The following MCCC1 variants were observed in gnomAD, a reference collection of about 807,000 sequenced individuals.
MCCC1 encodes the protein methylcrotonyl-CoA carboxylase subunit 1.
MCCC1 carries 64 observed loss-of-function variants against 83.8 expected under a neutral mutation model. That is an observed-to-expected ratio of 0.76 (90% CI 0.62 to 0.94). The LOEUF (loss-of-function observed/expected upper bound fraction) is 0.94, where lower values mean the gene tolerates loss of function less well. Ranked by LOEUF, MCCC1 falls within the 40% of genes least tolerant of loss-of-function variation. MCCC1 has a pLI of 0.00. For missense variants in MCCC1, 807 were observed against 904.7 expected (o/e 0.89, Z 1.39); for synonymous variants, 322 against 315.4 (o/e 1.02, Z -0.22).
At chr3:183,071,868 A>ATTT (rs1716721205) in intron 5 of MCCC1, among the ~76,000 whole-genome samples, 3 of 50,980 alleles carry the variant, frequency 5.9e-5, no homozygotes, top group Non-Finnish European at 8.1e-5. Flanking sequence ...TACCCAGCTG[A>ATTT]ATTTTTTTTT....
chr3:183,080,766 G>T (rs1030392639), intron 4 of MCCC1, among the ~76,000 whole-genome samples: 1 of 152,154 alleles, frequency 6.6e-6, no homozygotes, highest in Non-Finnish European at 1.5e-5. Context: ...AAGAGGTTTA[G>T]TGGCTGGATA....
At position 183,052,236 on chromosome 3, in the gene MCCC1, C is replaced by T. The variant is rs745449406; in HGVS notation, c.878G>A (p.Gly293Asp). 4.3e-6 allele frequency: 7 copies of T among 1,613,376 alleles called. 1 individual carries two copies. The South Asian group carries it at 4.4e-5, about 10-fold the overall frequency. ...CTTTTTTCTTACTTCAGATTTAATA[C>T]CAGGCTATGAAAAAAATATGTAAAT... ...QKIIEEAPAPGIKSEVRKKLG... is the reference protein window; with the variant it reads ...QKIIEEAPAPDIKSEVRKKLG... Residue 293 changes from glycine (G) to aspartate (D), a missense_variant, in exon 9 of 19, where the codon GGT becomes GAT. By Grantham distance (94) the Gly-to-Asp change is moderately conservative. Coordinates refer to ENST00000265594, the MANE Select transcript of MCCC1 (RefSeq NM_020166.5).
intron 8 of MCCC1, among the ~76,000 whole-genome samples, chr3:183,056,302 T>G (rs375474261): frequency 5.9e-5 from 9 of 152,164 alleles, no homozygotes; most frequent in African/African-American, 1.9e-4. Context: ...AAAAATGTAT[T>G]GATTAACCAG....
intron 2 of MCCC1, among the ~76,000 whole-genome samples, chr3:183,093,349 T>C (rs1455222216): frequency 1.3e-5 from 2 of 152,222 alleles, no homozygotes; most frequent in Non-Finnish European, 2.9e-5. Context: ...AAAGAGCTAT[T>C]ATTTTCCCAA....
At chr3:183,034,220 G>A (rs748714727) in intron 13 of MCCC1, 143 bp from the exon 14 acceptor site, 49 of 625,532 alleles carry the variant, frequency 7.8e-5, no homozygotes, top group Non-Finnish European at 1.3e-4. Context: ...GGAGGCCAAG[G>A]CGGGCGGATC....
intron 7 of MCCC1, among the ~76,000 whole-genome samples, chr3:183,066,459 C>T (rs772316591): frequency 2.3e-4 from 35 of 152,254 alleles, no homozygotes; most frequent in South Asian, 1.0e-3. Flanking sequence ...TGCATGCCAC[C>T]ATGCCTGGCT....
chr3:183,078,001 C>T (rs73053927), intron 4 of MCCC1, among the ~76,000 whole-genome samples: 1,550 of 152,204 alleles, frequency 0.01, 31 homozygotes, highest in African/African-American at 0.036. Context: ...ACCAATACCA[C>T]GCTGTTTTGG....
At chr3:183,101,344 G>A (rs1719282440), upstream of MCCC1, among the ~76,000 whole-genome samples, 2 of 152,372 alleles carry the variant, frequency 1.3e-5, no homozygotes, top group African/African-American at 4.8e-5. Context: ...GGATCCACTA[G>A]GTGAAGCCAG....
Position 183,041,732 on chromosome 3 carries a change from T to C in MCCC1, c.1102A>G (p.Ile368Val). The C allele has an allele frequency of 6.2e-7, 1 of 1,614,210 alleles. No homozygotes were observed. The highest frequency in any genetic ancestry group is 1.7e-5 in the Admixed American group (1 of 60,024). Residue 368 changes from isoleucine (I) to valine (V), a missense_variant, in exon 11 of 19, where the codon ATT becomes GTT. By Grantham distance (29) the Ile-to-Val change is conservative (BLOSUM62 3). Transcript: ENST00000265594. ...WQLRIAAGEK[I>V]PLSQEEITLQ... ...GTTATTTCTTCCTGGCTCAAAGGAA[T>C]CTTCTCTCCTGCTGCAATCTGGCAA... is the stretch of plus-strand genomic sequence containing the variant.
At chr3:183,025,708 C>T (rs373659937) in intron 15 of MCCC1, 47 bp downstream of exon 15, 25 of 1,510,312 alleles carry the variant, frequency 1.7e-5, no homozygotes, top group African/African-American at 6.9e-5. Context: ...AGTATAAAAG[C>T]GGTCAGATTC....
chr3:183,048,197 G>A (rs1286037611), intron 9 of MCCC1, among the ~76,000 whole-genome samples: 1 of 152,070 alleles, frequency 6.6e-6, no homozygotes, highest in Non-Finnish European at 1.5e-5. Context: ...ACCATGAAAG[G>A]CAGAAAAAGT....
chr3:183,079,963 A>G (rs141103065), intron 4 of MCCC1, among the ~76,000 whole-genome samples: 1,832 of 152,280 alleles, frequency 0.012, 13 homozygotes, highest in Non-Finnish European at 0.018. Context: ...TTTTAATCAC[A>G]GCTGGAGCAG....
At chr3:183,044,545 C>T (rs927543544) in intron 10 of MCCC1, among the ~76,000 whole-genome samples, 1 of 152,182 alleles carries the variant, frequency 6.6e-6, no homozygotes, top group South Asian at 2.1e-4. Context: ...AGACCATCTC[C>T]TTGGCTCTTC....
At chr3:183,075,964 G>T (rs1346945401) in intron 4 of MCCC1, among the ~76,000 whole-genome samples, 1 of 152,152 alleles carries the variant, frequency 6.6e-6, no homozygotes, top group African/African-American at 2.4e-5. Flanking sequence ...CACAATTTGA[G>T]TATTTTATAT....
intron 7 of MCCC1, among the ~76,000 whole-genome samples, chr3:183,065,436 C>G (rs1716184475): frequency 1.3e-5 from 2 of 152,110 alleles, no homozygotes; most frequent in Non-Finnish European, 1.5e-5. Flanking sequence ...AAAATAAGTG[C>G]TTATATCAAA....
chr3:183,078,078 G>A (rs1038870349), intron 4 of MCCC1, among the ~76,000 whole-genome samples: 2 of 152,130 alleles, frequency 1.3e-5, no homozygotes, highest in Non-Finnish European at 2.9e-5. Flanking sequence ...GGAGTGCAAT[G>A]GCATGATCTT....
chr3:183,052,179 G>A lies in MCCC1; in HGVS notation c.935C>T (p.Ala312Val). ...LGEAAVRAAK[A>V]VNYVGAGTVE... ...CCTACCTGCTCCAACATAATTTACA[G>A]CTTTAGCAGCTCTGACTGCAGCTTC... Residue 312 changes from alanine (A) to valine (V), a missense_variant, in exon 9 of 19, where the codon GCT becomes GTT. Coordinates refer to ENST00000265594, the MANE Select transcript of MCCC1 (RefSeq NM_020166.5). 1 of 1,614,020 alleles carries A rather than the reference G, an allele frequency of 6.2e-7. No homozygotes were observed. Among genetic ancestry groups the A allele is most frequent in the Non-Finnish European group, 8.5e-7 (1 of 1,179,986 alleles).
chr3:183,021,284 G>A lies in MCCC1; in HGVS notation c.1870-1047C>T, dbSNP rs985040447. ...CTGCCACCCAGGCTGGAGTGCAGTG[G>A]CACAATCATAGCTCACTGCAACCTT... On this transcript the variant is annotated intron_variant, in intron 16 of 18. Transcript: ENST00000265594. Among the ~76,000 whole-genome samples the A allele has an allele frequency of 2.0e-5, 3 of 152,076 alleles. No individual in the cohort carries two copies. In the East Asian group the frequency reaches 5.8e-4, roughly 29 times the overall value.
At chr3:183,099,964 G>A (rs938225539), upstream of MCCC1, among the ~76,000 whole-genome samples, 14 of 152,078 alleles carry the variant, frequency 9.2e-5, no homozygotes, top group Admixed American at 9.2e-4. Context: ...GGGAAAAAGA[G>A]GAAGTCAAAG....
Sources: gnomAD v4.1 joint callset for allele counts (sites outside exome capture counted in the v4.1 genomes callset) on GRCh38, gnomAD v4.1.1 for gene constraint, MANE v1.5 for transcripts, NCBI Gene and HGNC (gene_info 2026-07-23, HGNC 2026-07-21) for gene names.